The following SETBP1 variants were observed in gnomAD, a reference collection of about 807,000 sequenced individuals.
SETBP1 encodes SET binding protein 1.
A neutral mutation model predicts 101.0 loss-of-function variants in SETBP1; 9 were observed. That is an observed-to-expected ratio of 0.09 (90% CI 0.05 to 0.16). The LOEUF (loss-of-function observed/expected upper bound fraction) is 0.16. Ranked by LOEUF, SETBP1 falls within the 10% of genes least tolerant of loss-of-function variation. The pLI, the probability that SETBP1 is intolerant of heterozygous loss-of-function variation, is 1.00. For synonymous variants in SETBP1, 818 were observed against 788.5 expected (o/e 1.04, Z -0.63); for missense variants, 1,858 against 2,033.8 (o/e 0.91, Z 1.66).
At chr18:44,784,995 C>T (rs2071209084) in intron 2 of SETBP1, among the ~76,000 whole-genome samples, 1 of 152,148 alleles carries the variant, frequency 6.6e-6, no homozygotes, top group Non-Finnish European at 1.5e-5. Context: ...GAGGCTCACA[C>T]CATTCAGCTT....
chr18:44,703,328 A>T (rs1260702511), intron 2 of SETBP1, among the ~76,000 whole-genome samples: 1 of 99,396 alleles, frequency 1.0e-5, no homozygotes, highest in Non-Finnish European at 2.1e-5. Flanking sequence ...GATATTCCAT[A>T]GCATTTCTGT....
At chr18:44,803,040 G>A (rs62090594) in intron 2 of SETBP1, among the ~76,000 whole-genome samples, 9,530 of 152,108 alleles carry the variant, frequency 0.063, 392 homozygotes, top group East Asian at 0.14. Context: ...AGCCCCATGC[G>A]GAGTTAAAGC....
At chr18:44,735,699 G>T (rs1348033435) in intron 2 of SETBP1, among the ~76,000 whole-genome samples, 6 of 152,164 alleles carry the variant, frequency 3.9e-5, no homozygotes, top group Non-Finnish European at 8.8e-5. Context: ...TTTTAGAAAA[G>T]ATTCTAGATC....
chr18:44,953,280 A>T lies in SETBP1; in HGVS notation c.3940A>T (p.Ile1314Phe), dbSNP rs746329767. The T allele has an allele frequency of 3.1e-6, 5 of 1,614,116 alleles. No homozygotes were observed. Among genetic ancestry groups the T allele is most frequent in the Non-Finnish European group, 4.2e-6 (5 of 1,180,034 alleles). ...EGFGTYREKD[I>F]QAFKMNRKER... ...CTTTGGAACGTACAGGGAAAAGGAC[A>T]TCCAAGCCTTCAAGATGAACCGCAA... The change falls in exon 4 of 6, where the codon ATC becomes TTC. Residue 1314 changes from isoleucine to phenylalanine, a missense_variant. Physicochemically the swap from Ile to Phe is conservative, Grantham distance 21. Coordinates refer to ENST00000649279, the MANE Select transcript of SETBP1 (RefSeq NM_015559.3).
intron 4 of SETBP1, among the ~76,000 whole-genome samples, chr18:44,965,619 C>A (rs1375225828): frequency 6.6e-6 from 1 of 152,118 alleles, no homozygotes; most frequent in Non-Finnish European, 1.5e-5. Flanking sequence ...AAGGATCAGG[C>A]AAAGGAGAAA....
rs571844244 is a variant in SETBP1, at chr18:44,834,545, C to T, written c.487-34685C>T. On this transcript the variant is annotated intron_variant, in intron 2 of 5. Transcript: ENST00000649279. The stretch of plus-strand genomic sequence containing the variant: ...AATCCCAGAGATGATTTGTGGCCCC[C>T]GGAAGCTATAGAAGAGGCACAGAGC... 9.9e-5 allele frequency among the ~76,000 whole-genome samples: 15 copies of T among 152,106 alleles called. No individual in the cohort carries two copies. The South Asian group carries it at 1.9e-3, about 19-fold the overall frequency.
At chr18:44,813,221 A>G (rs1021762044) in intron 2 of SETBP1, among the ~76,000 whole-genome samples, 2 of 152,198 alleles carry the variant, frequency 1.3e-5, no homozygotes, top group Admixed American at 6.5e-5. Flanking sequence ...CTTTCAGGCT[A>G]TCTTTGAAAT....
chr18:44,698,982 G>T (rs1487879303), intron 1 of SETBP1, among the ~76,000 whole-genome samples: 2 of 151,888 alleles, frequency 1.3e-5, no homozygotes, highest in African/African-American at 4.8e-5. Context: ...TTTAATGGAA[G>T]ATATTTTCTT....
chr18:44,877,598 C>T (rs1003141663), intron 3 of SETBP1, among the ~76,000 whole-genome samples: 2 of 152,188 alleles, frequency 1.3e-5, no homozygotes, highest in Admixed American at 6.5e-5. Flanking sequence ...TATTACCAGA[C>T]GTGTGACAAT....
At chr18:44,877,145 C>A in intron 3 of SETBP1, 2 of 987,526 alleles carry the variant, frequency 2.0e-6, no homozygotes, top group Non-Finnish European at 2.4e-6. Flanking sequence ...AGTATGGGCT[C>A]CAAGCCACAG....
At chr18:44,787,953 G>A (rs1483977862) in intron 2 of SETBP1, among the ~76,000 whole-genome samples, 2 of 147,916 alleles carry the variant, frequency 1.4e-5, no homozygotes, top group Admixed American at 6.8e-5. Flanking sequence ...AAGACCTTCT[G>A]ATTTGTTTAG....
intron 3 of SETBP1, among the ~76,000 whole-genome samples, chr18:44,900,301 C>T (rs577469570): frequency 1.4e-4 from 22 of 152,272 alleles, no homozygotes; most frequent in Admixed American, 1.4e-3. Context: ...ATGCATGGCC[C>T]AAGTTTGGGA....
chr18:44,846,599 CAG>C (rs2144558335), intron 2 of SETBP1, among the ~76,000 whole-genome samples: 1 of 152,278 alleles, frequency 6.6e-6, no homozygotes, highest in East Asian at 1.9e-4. Context: ...TAGGCACAGC[CAG>C]AGTTTGAGTT....
At chr18:44,838,118 C>A (rs1035147762) in intron 2 of SETBP1, among the ~76,000 whole-genome samples, 3 of 152,198 alleles carry the variant, frequency 2.0e-5, no homozygotes, top group Non-Finnish European at 2.9e-5. Flanking sequence ...CCTGGAGCAG[C>A]CCATGCCTGG....
At chr18:44,744,824 G>T (rs2070198566) in intron 2 of SETBP1, among the ~76,000 whole-genome samples, 1 of 151,850 alleles carries the variant, frequency 6.6e-6, no homozygotes, top group Non-Finnish European at 1.5e-5. Context: ...TTCAGTGGCA[G>T]GCCGGCGGTT....
intron 3 of SETBP1, among the ~76,000 whole-genome samples, chr18:44,897,432 G>C (rs1376806565): frequency 1.3e-5 from 2 of 152,062 alleles, no homozygotes; most frequent in African/African-American, 2.4e-5. Context: ...AAAAAATAAA[G>C]TCTGCCCTAT....
At chr18:44,791,205 C>T (rs944581546) in intron 2 of SETBP1, among the ~76,000 whole-genome samples, 14 of 152,178 alleles carry the variant, frequency 9.2e-5, no homozygotes, top group Middle Eastern at 3.4e-3. Context: ...GGATCGGAGG[C>T]GCTCTTGTAT....
At chr18:44,683,493 T>TA (rs1306233531) in intron 1 of SETBP1, among the ~76,000 whole-genome samples, 9 of 152,224 alleles carry the variant, frequency 5.9e-5, no homozygotes, top group Non-Finnish European at 1.2e-4. Context: ...TTTCTCCTGT[T>TA]AACTTTGAAT....
intron 3 of SETBP1, among the ~76,000 whole-genome samples, chr18:44,886,733 A>G (rs2144762167): frequency 6.7e-6 from 1 of 148,932 alleles, no homozygotes; most frequent in East Asian, 2.0e-4. Context: ...TCTCCTTTTG[A>G]AAGATTGGTG....
Sources: gnomAD v4.1 joint callset for allele counts (sites outside exome capture counted in the v4.1 genomes callset) on GRCh38, gnomAD v4.1.1 for gene constraint, MANE v1.5 for transcripts, NCBI Gene and HGNC (gene_info 2026-07-23, HGNC 2026-07-21) for gene names.